The following IL1RAPL2 variants were observed in gnomAD, a reference collection of about 807,000 sequenced individuals.
The protein encoded by IL1RAPL2 is interleukin 1 receptor accessory protein like 2.
A neutral mutation model predicts 44.1 loss-of-function variants in IL1RAPL2; 3 were observed. The ratio of observed to expected loss-of-function variants is 0.07; its 90% confidence interval spans 0.03 to 0.18. The LOEUF is 0.18. Ranked by LOEUF, IL1RAPL2 falls within the 10% of genes least tolerant of loss-of-function variation. The pLI, the probability that IL1RAPL2 is intolerant of heterozygous loss-of-function variation, is 1.00. For synonymous variants in IL1RAPL2, 181 were observed against 178.8 expected (o/e 1.01, Z -0.10); for missense variants, 391 against 496.4 (o/e 0.79, Z 2.02).
intron 6 of IL1RAPL2, among the ~76,000 whole-genome samples, chrX:105,618,908 G>A (rs2037398523): frequency 9.0e-6 from 1 of 111,161 alleles, no homozygotes; most frequent in Non-Finnish European, 1.9e-5. Context: ...CTGGAAGTGT[G>A]GTAAGCAGAT....
At chrX:105,126,924 A>G (rs1209811498) in intron 2 of IL1RAPL2, among the ~76,000 whole-genome samples, 1 of 111,325 alleles carries the variant, frequency 9.0e-6, no homozygotes, top group Non-Finnish European at 1.9e-5. Flanking sequence ...GAGCATCACC[A>G]CATATTACAA....
rs183413062 is a variant in IL1RAPL2 at position 105,660,379 on chromosome X, G to A, written c.773-56988G>A. On this transcript the variant is annotated intron_variant, in intron 6 of 10. Transcript: ENST00000372582. ...TATCCTACAAGAAATGCTAAAGAGA[G>A]TTATTTAATCTGAAAGGAAAGGACA... 1.9e-3 allele frequency among the ~76,000 whole-genome samples: 213 copies of A among 111,206 alleles called. 1 individual carries two copies. The highest frequency in any genetic ancestry group is 3.3e-3 in the Non-Finnish European group (175 of 52,955).
chrX:105,220,076 C>A, intron 3 of IL1RAPL2: 1 of 1,211,718 alleles, frequency 8.3e-7, no homozygotes, highest in Non-Finnish European at 1.1e-6. Context: ...AGGTCTGATG[C>A]CAAGGCCTGT....
chrX:105,558,173 G>C (rs2036909170), intron 6 of IL1RAPL2, among the ~76,000 whole-genome samples: 1 of 111,413 alleles, frequency 9.0e-6, no homozygotes, highest in Non-Finnish European at 1.9e-5. Context: ...TCTATCACTT[G>C]TTGGTCCTGT....
At chrX:105,717,533 T>A (rs758651202) in intron 7 of IL1RAPL2, 37 bp downstream of exon 7, 1 of 1,152,826 alleles carries the variant, frequency 8.7e-7, no homozygotes, top group African/African-American at 1.8e-5. Flanking sequence ...CTTTGCTGTC[T>A]TACGGGATTC....
chrX:105,632,477 A>C (rs578102174), intron 6 of IL1RAPL2, among the ~76,000 whole-genome samples: 1 of 111,379 alleles, frequency 9.0e-6, no homozygotes, highest in Non-Finnish European at 1.9e-5. Flanking sequence ...CATCAAGAGG[A>C]AAGTCAAAGT....
At chrX:105,036,104 C>T (rs2147756107) in intron 2 of IL1RAPL2, among the ~76,000 whole-genome samples, 2 of 111,550 alleles carry the variant, frequency 1.8e-5, no homozygotes, top group East Asian at 5.7e-4. Context: ...GTAACTCCTC[C>T]TCCCAAATTT....
chrX:104,737,090 C>A (rs952713128), intron 2 of IL1RAPL2, among the ~76,000 whole-genome samples: 1 of 112,585 alleles, frequency 8.9e-6, no homozygotes, highest in African/African-American at 3.2e-5. Flanking sequence ...ATTTTATTTA[C>A]TTCCCATTTG....
chrX:104,762,791 G>A (rs1385332664), intron 2 of IL1RAPL2, among the ~76,000 whole-genome samples: 2 of 111,424 alleles, frequency 1.8e-5, no homozygotes, highest in Admixed American at 1.9e-4. Context: ...CTCTGCATTG[G>A]CCCCTTTTAG....
intron 2 of IL1RAPL2, among the ~76,000 whole-genome samples, chrX:104,693,861 T>C (rs1336465329): frequency 8.9e-6 from 1 of 112,004 alleles, no homozygotes; most frequent in African/African-American, 3.2e-5. Flanking sequence ...AGCCTCCATA[T>C]GTCCCAATTA....
intron 5 of IL1RAPL2, among the ~76,000 whole-genome samples, chrX:105,431,741 C>G (rs2035849021): frequency 9.0e-6 from 1 of 111,232 alleles, no homozygotes; most frequent in Admixed American, 9.7e-5. Flanking sequence ...ACATAAGAAA[C>G]TGTTTACTCT....
intron 6 of IL1RAPL2, among the ~76,000 whole-genome samples, chrX:105,540,044 G>T (rs1279305723): frequency 1.8e-5 from 2 of 110,988 alleles, no homozygotes; most frequent in African/African-American, 3.3e-5. Flanking sequence ...AACAACAGAT[G>T]CTGGCAAGGC....
At chrX:105,728,331 T>C (rs1020395864) in intron 7 of IL1RAPL2, among the ~76,000 whole-genome samples, 6 of 111,483 alleles carry the variant, frequency 5.4e-5, no homozygotes, top group Non-Finnish European at 7.6e-5. Flanking sequence ...GCATTTAAGG[T>C]TCCTACATGT....
intron 2 of IL1RAPL2, among the ~76,000 whole-genome samples, chrX:104,943,895 C>A (rs758003927): frequency 1.8e-5 from 2 of 112,160 alleles, no homozygotes; most frequent in South Asian, 7.4e-4. Flanking sequence ...TTAAGACCAG[C>A]ACATAGCACA....
intron 2 of IL1RAPL2, among the ~76,000 whole-genome samples, chrX:105,124,356 C>T (rs745591704): frequency 4.2e-4 from 47 of 110,729 alleles, no homozygotes; most frequent in Admixed American, 7.7e-4. Context: ...TTTGTGTACA[C>T]TTTCAAGGGA....
At chrX:105,671,171 T>C (rs2037821993) in intron 6 of IL1RAPL2, among the ~76,000 whole-genome samples, 1 of 111,053 alleles carries the variant, frequency 9.0e-6, no homozygotes, top group African/African-American at 3.3e-5. Context: ...GCTCTCAAAC[T>C]CCTGACCTCA....
At chrX:105,336,123 C>T (rs2035026636) in intron 5 of IL1RAPL2, among the ~76,000 whole-genome samples, 1 of 112,245 alleles carries the variant, frequency 8.9e-6, no homozygotes, top group African/African-American at 3.2e-5. Context: ...TGAATAGCCA[C>T]ACATTTTCTA....
intron 2 of IL1RAPL2, among the ~76,000 whole-genome samples, chrX:104,769,599 G>C (rs1932609057): frequency 8.9e-6 from 1 of 112,006 alleles, no homozygotes; most frequent in African/African-American, 3.2e-5. Context: ...TATTCCTGTG[G>C]CCTGCAACAG....
At chrX:104,672,317 G>A (rs984883134) in intron 2 of IL1RAPL2, among the ~76,000 whole-genome samples, 3 of 110,190 alleles carry the variant, frequency 2.7e-5, no homozygotes, top group South Asian at 3.9e-4. Context: ...TCATTGTTCA[G>A]TTCCCACCTA....
Sources: gnomAD v4.1 joint callset for allele counts (sites outside exome capture counted in the v4.1 genomes callset) on GRCh38, gnomAD v4.1.1 for gene constraint, MANE v1.5 for transcripts, NCBI Gene and HGNC (gene_info 2026-07-23, HGNC 2026-07-21) for gene names.